The following CFAP44 variants were observed in gnomAD, a reference collection of about 807,000 sequenced individuals.
CFAP44 encodes the protein cilia and flagella associated protein 44.
CFAP44 carries 134 observed loss-of-function variants against 216.2 expected under a neutral mutation model. The ratio of observed to expected loss-of-function variants is 0.62; its 90% CI spans 0.54 to 0.72. The LOEUF (loss-of-function observed/expected upper bound fraction) is 0.72, where lower values mean the gene tolerates loss of function less well. Among genes scored for constraint, CFAP44 ranks in the 30% least tolerant of loss-of-function variants. The pLI, the probability that CFAP44 is intolerant of heterozygous loss-of-function variation, is 0.00. For missense variants in CFAP44, 2,035 were observed against 2,182.1 expected, an observed-to-expected ratio of 0.93 and a Z score of 1.34; for synonymous variants, 700 against 727.6, an observed-to-expected ratio of 0.96 and a Z score of 0.61.
intron 22 of CFAP44, among the ~76,000 whole-genome samples, chr3:113,346,139 T>C (rs1053989745): frequency 2.0e-5 from 3 of 152,212 alleles, no homozygotes; most frequent in East Asian, 3.9e-4. Context: ...GGATTGTAAA[T>C]GCACCAATCA....
At chr3:113,327,999 AATTT>A (rs993965407) in intron 26 of CFAP44, among the ~76,000 whole-genome samples, 180 bp from the exon 27 acceptor site, 8 of 152,108 alleles carry the variant, frequency 5.3e-5, no homozygotes, top group African/African-American at 1.9e-4. Context: ...TACATAAATT[AATTT>A]ATTAAGTGGT....
Position 113,286,986 on chromosome 3 carries a change from C to A in CFAP44, c.*4571G>T. On this transcript the variant is annotated 3_prime_UTR_variant, in exon 35 of 35. Coordinates refer to ENST00000393845, the MANE Select transcript of CFAP44 (RefSeq NM_001164496.2). ...ATAGCCATATTTATATATTTATGCA[C>A]TTGTAAATAAATGTATATGTTTTAT... 1.0e-6 allele frequency: 1 copy of A among 1,001,618 alleles called. No homozygotes were observed. 62.0% of individuals were successfully genotyped at this position (1,001,618 alleles called of 1,614,324 possible).
At chr3:113,428,441 G>A (rs974299194) in intron 2 of CFAP44, among the ~76,000 whole-genome samples, 1 of 152,204 alleles carries the variant, frequency 6.6e-6, no homozygotes, top group African/African-American at 2.4e-5. Flanking sequence ...AACTAATTTG[G>A]CAGGAAGTAG....
At chr3:113,349,918 T>C (rs1950426576) in intron 22 of CFAP44, among the ~76,000 whole-genome samples, 1 of 152,214 alleles carries the variant, frequency 6.6e-6, no homozygotes, top group Non-Finnish European at 1.5e-5. Flanking sequence ...TCAGTTGTAA[T>C]TGGGAGACTT....
chr3:113,333,373 T>C, intron 25 of CFAP44, 33 bp downstream of exon 25: 1 of 1,523,582 alleles, frequency 6.6e-7, no homozygotes, highest in South Asian at 1.2e-5. Flanking sequence ...CCAGGGTGCC[T>C]TCTCCATTGT....
chr3:113,410,440 T>C (rs1327535450), intron 6 of CFAP44, among the ~76,000 whole-genome samples: 1 of 152,182 alleles, frequency 6.6e-6, no homozygotes, highest in African/African-American at 2.4e-5. Flanking sequence ...AGAATGATGG[T>C]TTCCAGCTTC....
intron 9 of CFAP44, 76 bp from the exon 10 acceptor site, chr3:113,401,815 G>C: frequency 7.0e-7 from 1 of 1,431,350 alleles, no homozygotes; most frequent in Non-Finnish European, 9.3e-7. Context: ...GAAAAACCCT[G>C]ATTTTTTTTT....
rs780798708 is a variant in CFAP44, at chr3:113,380,944, CAT to C, written c.2005_2006del (p.Met669ValfsTer13). On this transcript the variant is annotated frameshift_variant, in exon 16 of 35. Coordinates refer to ENST00000393845, the MANE Select transcript of CFAP44 (RefSeq NM_001164496.2). LOFTEE classifies it high-confidence loss of function. ...TTGAAAAATGGAAACATTTTATGCA[CAT>C]GTCTTTGATTTCATAGGAGACTACA... Reference protein sequence around the residue: ...HDVVSYEIKDMCIKCFHFSSV... With the variant: ...HDVVSYEIKDXCIKCFHFSSV... 7 of 1,593,672 alleles carry C rather than the reference CAT, an allele frequency of 4.4e-6. No individual in the cohort carries two copies. Among genetic ancestry groups the C allele is most frequent in the Admixed American group, 1.7e-5 (1 of 57,826 alleles).
intron 28 of CFAP44, among the ~76,000 whole-genome samples, chr3:113,308,954 G>T (rs1200024189): frequency 6.6e-6 from 1 of 152,146 alleles, no homozygotes; most frequent in Non-Finnish European, 1.5e-5. Flanking sequence ...GACATTTCTA[G>T]TCTTTATTTA....
chr3:113,412,660 G>A (rs1406981926), intron 6 of CFAP44, among the ~76,000 whole-genome samples: 1 of 152,108 alleles, frequency 6.6e-6, no homozygotes, highest in Non-Finnish European at 1.5e-5. Context: ...TGCTGAGGAT[G>A]ATGGCTTCCA....
intron 17 of CFAP44, among the ~76,000 whole-genome samples, chr3:113,375,400 G>A (rs1055213612): frequency 6.6e-6 from 1 of 152,094 alleles, no homozygotes; most frequent in South Asian, 2.1e-4. Context: ...TAAAAGTTAC[G>A]AAGCTGGAAC....
At chr3:113,326,397 C>A in intron 28 of CFAP44, 48 bp downstream of exon 28, 1 of 1,426,442 alleles carries the variant, frequency 7.0e-7, no homozygotes, top group Admixed American at 2.9e-5. Context: ...CTCTCTATTT[C>A]ATGTTAATGA....
At chr3:113,425,805 T>C (rs1349372018) in intron 4 of CFAP44, among the ~76,000 whole-genome samples, 4 of 152,204 alleles carry the variant, frequency 2.6e-5, no homozygotes, top group Non-Finnish European at 5.9e-5. Flanking sequence ...TGCATTTCTA[T>C]CAAATCTCTA....
At chr3:113,366,426 C>T (rs1030699674) in intron 18 of CFAP44, 117 bp from the exon 19 acceptor site, 5 of 1,241,776 alleles carry the variant, frequency 4.0e-6, no homozygotes, top group East Asian at 2.5e-5. Context: ...GAATTGTACA[C>T]CCCTAAAATT....
In CFAP44 at chr3:113,327,818, A is replaced by C; in HGVS notation, c.4118T>G (p.Ile1373Ser). The change falls in exon 27 of 35, where the codon ATC becomes AGC. Residue 1373 changes from isoleucine to serine, a missense_variant and splice_region_variant. Ile to Ser is a moderately radical substitution (Grantham distance 142, BLOSUM62 -2). Around this residue, in one of 3 missense-constraint regions of CFAP44, gnomAD observed 1,883 missense variants for 2,023.7 expected, o/e 0.93. Coordinates refer to ENST00000393845, the MANE Select transcript of CFAP44 (RefSeq NM_001164496.2). ...ATCGAAAGTGACAACCAGTTCTTTG[A>C]TCTGAGATGGAAAAAATATTTGCGG... Reference protein sequence around the residue: ...VYMQQYLVNRIKELVVTFDAE... With the variant: ...VYMQQYLVNRSKELVVTFDAE... The C allele has an allele frequency of 2.0e-6, 3 of 1,536,372 alleles. No individual in the cohort carries two copies. Among genetic ancestry groups the C allele is most frequent in the Non-Finnish European group, 8.7e-7 (1 of 1,146,508 alleles).
intron 4 of CFAP44, among the ~76,000 whole-genome samples, chr3:113,424,212 C>A (rs1576605598): frequency 1.3e-5 from 2 of 152,156 alleles, no homozygotes; most frequent in East Asian, 3.9e-4. Flanking sequence ...CCAAGGCGGG[C>A]AGATCACGAG....
At chr3:113,427,414 A>C (rs1934991994) in intron 2 of CFAP44, 75 bp from the exon 3 acceptor site, 4 of 1,160,800 alleles carry the variant, frequency 3.4e-6, no homozygotes, top group Non-Finnish European at 4.8e-6. Flanking sequence ...TAAAACTTCC[A>C]ATTTCCTTGT....
intron 15 of CFAP44, among the ~76,000 whole-genome samples, chr3:113,393,637 T>C (rs931577641): frequency 6.6e-6 from 1 of 152,118 alleles, no homozygotes. Flanking sequence ...CACCTCAACC[T>C]CCCGAGTAGC....
At chr3:113,437,952 G>A (rs1935275171) in intron 1 of CFAP44, among the ~76,000 whole-genome samples, 1 of 152,164 alleles carries the variant, frequency 6.6e-6, no homozygotes, top group Non-Finnish European at 1.5e-5. Flanking sequence ...AAATGAGGGT[G>A]ATAGGGTTAT....
Sources: gnomAD v4.1 joint callset for allele counts (sites outside exome capture counted in the v4.1 genomes callset) on GRCh38, gnomAD v4.1.1 for gene constraint, gnomAD v4.1.1 regional missense constraint, MANE v1.5 for transcripts, NCBI Gene and HGNC (gene_info 2026-07-23, HGNC 2026-07-21) for gene names.